Variants in PBRM1 observed in about 807,000 individuals in gnomAD.
PBRM1 encodes polybromo 1.
PBRM1 carries 27 observed loss-of-function variants against 194.5 expected under a neutral mutation model. The ratio of observed to expected loss-of-function variants is 0.14; its 90% CI spans 0.10 to 0.19. The LOEUF (loss-of-function observed/expected upper bound fraction) is 0.19, where lower values mean the gene tolerates loss of function less well. Among genes scored for constraint, PBRM1 ranks in the 10% least tolerant of loss-of-function variants. PBRM1 has a pLI of 1.00. For synonymous variants in PBRM1, 655 were observed against 693.2 expected, an observed-to-expected ratio of 0.94 and a Z score of 0.87; for missense variants, 1,466 against 2,077.2, an observed-to-expected ratio of 0.71 and a Z score of 5.72.
At chr3:52,662,233 A>G (rs1345333291) in exon 4 of PBRM1, 4 of 1,613,936 alleles carry the variant, frequency 2.5e-6, no homozygotes, top group Non-Finnish European at 3.4e-6. Flanking sequence ...TCGAAGGTAC[A>G]AATCCCAGAG....
At chr3:52,667,352 A>G (rs943333967) in intron 3 of PBRM1, among the ~76,000 whole-genome samples, 2 of 152,222 alleles carry the variant, frequency 1.3e-5, no homozygotes, top group African/African-American at 4.8e-5. Context: ...AGGTGAAAAG[A>G]TATGCACACA....
intron 1 of PBRM1, 89 bp downstream of exon 2, chr3:52,679,485 G>C: frequency 1.7e-6 from 2 of 1,176,426 alleles, no homozygotes. Context: ...AAGTGGAGAT[G>C]CCTTGCATCG....
intron 18 of PBRM1, among the ~76,000 whole-genome samples, chr3:52,588,503 CAAAT>C (rs1439430302): frequency 5.3e-5 from 8 of 150,234 alleles, no homozygotes; most frequent in Admixed American, 1.3e-4. Context: ...TAATAAGTAT[CAAAT>C]GAATGAATGA....
intron 9 of PBRM1, among the ~76,000 whole-genome samples, 184 bp downstream of exon 10, chr3:52,643,064 A>G (rs2096166617): frequency 6.6e-6 from 1 of 152,240 alleles, no homozygotes; most frequent in Non-Finnish European, 1.5e-5. Flanking sequence ...CTGGGATTAC[A>G]GGCGTGAGCC....
intron 13 of PBRM1, among the ~76,000 whole-genome samples, chr3:52,625,499 C>A (rs1291134383): frequency 1.3e-5 from 2 of 150,540 alleles, no homozygotes; most frequent in African/African-American, 4.9e-5. Context: ...GTACAAAACA[C>A]TTCCTAGGAA....
chr3:52,627,302 G>A (rs746581039), exon 13 of PBRM1: 2 of 1,611,816 alleles, frequency 1.2e-6, no homozygotes, highest in Non-Finnish European at 1.7e-6. Flanking sequence ...CAGTATCAGA[G>A]GTGGCTGAAG....
chr3:52,562,468 T>A (rs991125356), intron 24 of PBRM1, among the ~76,000 whole-genome samples: 3 of 151,654 alleles, frequency 2.0e-5, no homozygotes, highest in Non-Finnish European at 2.9e-5. Flanking sequence ...AAAAAAGAAA[T>A]GAAAGTTTCA....
chr3:52,554,642 T>G, intron 27 of PBRM1, 82 bp downstream of exon 29: 1 of 1,256,102 alleles, frequency 8.0e-7, no homozygotes, highest in South Asian at 1.7e-5. Context: ...GGGCCACGGG[T>G]GCCTCCTGGA....
At chr3:52,582,550 T>G (rs997965688) in intron 20 of PBRM1, among the ~76,000 whole-genome samples, 1 of 151,376 alleles carries the variant, frequency 6.6e-6, no homozygotes, top group South Asian at 2.1e-4. Flanking sequence ...ACTGGGATTA[T>G]AGGCACCTGC....
At chr3:52,622,298 A>G (rs1201903855) in intron 13 of PBRM1, among the ~76,000 whole-genome samples, 1 of 152,122 alleles carries the variant, frequency 6.6e-6, no homozygotes. Flanking sequence ...AGATCGTGCC[A>G]CTGCACTCCA....
intron 4 of PBRM1, among the ~76,000 whole-genome samples, chr3:52,658,643 C>T (rs2096656640): frequency 6.6e-6 from 1 of 152,058 alleles, no homozygotes; most frequent in African/African-American, 2.4e-5. Context: ...CTGCCCACTT[C>T]GGCCTCTCAA....
intron 15 of PBRM1, among the ~76,000 whole-genome samples, chr3:52,614,572 T>C (rs1363135960): frequency 5.1e-5 from 7 of 138,552 alleles, no homozygotes; most frequent in South Asian, 2.3e-4. Context: ...TTTTCTTCCC[T>C]TTTTTTTTTT....
chr3:52,572,878 T>C (rs1306703033), intron 22 of PBRM1, among the ~76,000 whole-genome samples: 1 of 152,208 alleles, frequency 6.6e-6, no homozygotes, highest in African/African-American at 2.4e-5. Context: ...TTAGAGTTAA[T>C]ACAATGAAAT....
At chr3:52,657,861 C>T (rs948423051) in intron 5 of PBRM1, among the ~76,000 whole-genome samples, 3 of 150,642 alleles carry the variant, frequency 2.0e-5, no homozygotes, top group Non-Finnish European at 4.4e-5. Context: ...AATCTTGGCT[C>T]ACCCACTGCA....
At chr3:52,598,183 T>A (rs532428503) in intron 17 of PBRM1, among the ~76,000 whole-genome samples, 1 of 152,358 alleles carries the variant, frequency 6.6e-6, no homozygotes, top group African/African-American at 2.4e-5. Context: ...TTTTAATAAT[T>A]GTAGTAAAAC....
intron 3 of PBRM1, among the ~76,000 whole-genome samples, chr3:52,663,092 A>G (rs1401722269): frequency 1.3e-5 from 2 of 152,214 alleles, no homozygotes; most frequent in East Asian, 1.9e-4. Context: ...TAAAACTTTA[A>G]AAATGCATAC....
chr3:52,622,626 T>C (rs1484875736), intron 13 of PBRM1, among the ~76,000 whole-genome samples: 1 of 152,198 alleles, frequency 6.6e-6, no homozygotes, highest in Non-Finnish European at 1.5e-5. Context: ...AGGATCACCA[T>C]CGACACTATC....
At chr3:52,623,548 TAAAAACA>T (rs2095348312) in intron 13 of PBRM1, among the ~76,000 whole-genome samples, 1 of 152,190 alleles carries the variant, frequency 6.6e-6, no homozygotes, top group Non-Finnish European at 1.5e-5. Context: ...AACATCTGAC[TAAAAACA>T]AAACCAAAAT....
chr3:52,558,540 G>T, intron 25 of PBRM1, 127 bp from the exon 28 acceptor site: 1 of 769,590 alleles, frequency 1.3e-6, no homozygotes, highest in Non-Finnish European at 2.0e-6. Flanking sequence ...AACAGTAGAT[G>T]ACTAGTCTCA....
Sources: allele counts gnomAD v4.1 joint callset (sites outside exome capture counted in the v4.1 genomes callset), GRCh38; gene constraint gnomAD v4.1.1; transcripts MANE v1.5; gene names NCBI Gene and HGNC (gene_info 2026-07-23, HGNC 2026-07-21).